LRCH1: variants seen among roughly 807,000 people sequenced by gnomAD.
The protein encoded by LRCH1 is leucine-rich repeat and calponin homology domain-containing protein 1.
LRCH1 carries 23 observed loss-of-function variants against 94.9 expected under a neutral mutation model. The observed-to-expected ratio is 0.24, with a 90% CI of 0.17 to 0.34. LRCH1 has a LOEUF of 0.34. Ranked by LOEUF, LRCH1 falls within the 10% of genes least tolerant of loss-of-function variation. The pLI, the probability that LRCH1 is intolerant of heterozygous loss-of-function variation, is 1.00. For synonymous variants in LRCH1, 364 were observed against 354.9 expected (o/e 1.03, Z -0.29); for missense variants, 790 against 945.9 (o/e 0.84, Z 2.16).
At chr13:46,667,795 T>C (rs1320174806) in intron 2 of LRCH1, among the ~76,000 whole-genome samples, 1 of 152,230 alleles carries the variant, frequency 6.6e-6, no homozygotes, top group African/African-American at 2.4e-5. Flanking sequence ...AAAGCACTTG[T>C]AGAAAGTTTG....
chr13:46,712,583 T>C lies in LRCH1; in HGVS notation c.1640T>C (p.Leu547Pro), dbSNP rs753153910. The C allele has an allele frequency of 1.2e-6, 2 of 1,613,736 alleles. No homozygotes were observed. Among genetic ancestry groups the C allele is most frequent in the Non-Finnish European group, 1.7e-6 (2 of 1,179,756 alleles). The change falls in exon 15 of 20, where the codon CTG becomes CCG. Residue 547 changes from leucine to proline, a missense_variant. By Grantham distance (98) the Leu-to-Pro change is moderately conservative. Around this residue, in one of 3 missense-constraint regions of LRCH1, gnomAD observed 460 missense variants for 508.9 expected, o/e 0.90. Transcript: ENST00000389797. ...PTTNSTAPFG[L>P]KPRSDPALIL... The stretch of plus-strand genomic sequence containing the variant: ...ACAAACAGCACAGCTCCATTTGGCC[T>C]GAAGCCTCGATCAGGTAAATGAAAA...
rs1446082468 is a variant in LRCH1, at chr13:46,741,646, A to C, written c.2090A>C (p.Asp697Ala). 2 of 1,613,944 alleles carry C rather than the reference A, an allele frequency of 1.2e-6. No homozygotes were observed. The highest frequency in any genetic ancestry group is 2.7e-5 in the African/African-American group (2 of 74,904). ...TAATGGCTGCCCTCGGAATAGGCTG[A>C]CCTCTGCTCTCCGTGTGACATCCTG... ...ACRKLGVPEA[D>A]LCSPCDILQL... Residue 697 changes from aspartate (D) to alanine (A), a missense_variant, in exon 20 of 20, where the codon GAC becomes GCC. By Grantham distance (126) the Asp-to-Ala change is moderately radical (BLOSUM62 -2). Transcript: ENST00000389797.
At chr13:46,638,716 T>A (rs1468864644) in intron 1 of LRCH1, among the ~76,000 whole-genome samples, 1 of 152,226 alleles carries the variant, frequency 6.6e-6, no homozygotes, top group Non-Finnish European at 1.5e-5. Context: ...AGATCTTACA[T>A]GGCCTCATGC....
At chr13:46,674,142 TA>T (rs1011604361) in intron 3 of LRCH1, among the ~76,000 whole-genome samples, 9 of 152,042 alleles carry the variant, frequency 5.9e-5, no homozygotes, top group Admixed American at 3.3e-4. Flanking sequence ...AGCAATCCCT[TA>T]AAAAAATAAA....
intron 5 of LRCH1, among the ~76,000 whole-genome samples, chr13:46,687,535 G>A (rs567186567): frequency 6.6e-6 from 1 of 152,000 alleles, no homozygotes; most frequent in Non-Finnish European, 1.5e-5. Flanking sequence ...TTTGTAACTG[G>A]AATTTCACCA....
At chr13:46,623,619 C>T (rs9534442) in intron 1 of LRCH1, among the ~76,000 whole-genome samples, 73,702 of 150,540 alleles carry the variant, frequency 0.49, 18,489 homozygotes, top group Middle Eastern at 0.59. Flanking sequence ...TTGTGCCAAT[C>T]TGATCATTTG....
At chr13:46,689,279 G>C (rs571973008) in intron 7 of LRCH1, 83 bp downstream of exon 7, 234 of 983,578 alleles carry the variant, frequency 2.4e-4, no homozygotes, top group Non-Finnish European at 1.7e-4. Context: ...CTGTTAAAGG[G>C]CATCGATTCA....
chr13:46,691,279 C>T (rs923231996), intron 7 of LRCH1, among the ~76,000 whole-genome samples: 86 of 152,302 alleles, frequency 5.6e-4, no homozygotes, highest in African/African-American at 2.0e-3. Context: ...TCTGAATAAA[C>T]GTCATCAGCT....
chr13:46,671,354 C>G (rs1288638006), intron 3 of LRCH1, among the ~76,000 whole-genome samples: 1 of 152,202 alleles, frequency 6.6e-6, no homozygotes, highest in Non-Finnish European at 1.5e-5. Context: ...GTGCCAGCTC[C>G]CCCCACACCC....
At chr13:46,699,082 G>A (rs1036383800) in intron 9 of LRCH1, among the ~76,000 whole-genome samples, 3 of 152,308 alleles carry the variant, frequency 2.0e-5, no homozygotes, top group South Asian at 4.1e-4. Flanking sequence ...CTTATTGCAC[G>A]TAGCATAATG....
At position 46,687,968 on chromosome 13, in the gene LRCH1, C is replaced by A. The variant is rs1184645642; in HGVS notation, c.939C>A (p.His313Gln). 6.2e-7 allele frequency: 1 copy of A among 1,611,490 alleles called. No homozygotes were observed. Residue 313 changes from histidine to glutamine, a missense_variant, in exon 6 of 20, where the codon CAC becomes CAA. Around this residue, in one of 3 missense-constraint regions of LRCH1, gnomAD observed 194 missense variants for 293.5 expected, o/e 0.66. Coordinates refer to ENST00000389797, the MANE Select transcript of LRCH1 (RefSeq NM_001164211.2). ...HTMERPHLHQHVEDGKKDSDS... is the reference protein window; with the variant it reads ...HTMERPHLHQQVEDGKKDSDS... The stretch of plus-strand genomic sequence containing the variant: ...TGGAGAGGCCACATTTACACCAGCA[C>A]GTGGAAGATGGGTGAGTCATGCCCT...
At chr13:46,732,823 C>G (rs576707511) in intron 18 of LRCH1, among the ~76,000 whole-genome samples, 2 of 152,246 alleles carry the variant, frequency 1.3e-5, no homozygotes, top group East Asian at 3.9e-4. Flanking sequence ...CTGAGACATG[C>G]CAGGGGTTGG....
chr13:46,672,526 G>A (rs1325333469), intron 3 of LRCH1, among the ~76,000 whole-genome samples: 3 of 152,144 alleles, frequency 2.0e-5, no homozygotes, highest in Non-Finnish European at 4.4e-5. Context: ...GGTGGCACAT[G>A]TGCTGAGCCT....
intron 1 of LRCH1, among the ~76,000 whole-genome samples, chr13:46,567,006 T>C (rs1267620258): frequency 6.6e-6 from 1 of 152,238 alleles, no homozygotes; most frequent in African/African-American, 2.4e-5. Flanking sequence ...TTAAAAAATA[T>C]AGACACACAT....
At chr13:46,716,667 C>A (rs984534883) in intron 16 of LRCH1, among the ~76,000 whole-genome samples, 1 of 152,044 alleles carries the variant, frequency 6.6e-6, no homozygotes, top group African/African-American at 2.4e-5. Flanking sequence ...TAAAATTCAA[C>A]CAAAAATGCT....
chr13:46,674,213 G>A (rs2051641122), intron 3 of LRCH1, among the ~76,000 whole-genome samples: 1 of 152,196 alleles, frequency 6.6e-6, no homozygotes, highest in Admixed American at 6.5e-5. Context: ...TCTAATTTGT[G>A]AAAGGAATTG....
intron 2 of LRCH1, among the ~76,000 whole-genome samples, chr13:46,665,502 TAGAC>T (rs1475313964): frequency 2.0e-5 from 3 of 152,196 alleles, no homozygotes; most frequent in African/African-American, 7.2e-5. Context: ...AATGATGAAA[TAGAC>T]AAATGAATCC....
intron 1 of LRCH1, among the ~76,000 whole-genome samples, chr13:46,605,056 G>A (rs1352841923): frequency 1.3e-5 from 2 of 152,196 alleles, no homozygotes; most frequent in Non-Finnish European, 2.9e-5. Flanking sequence ...TAATCCCTTT[G>A]TGTGGAGAGG....
intron 1 of LRCH1, among the ~76,000 whole-genome samples, chr13:46,564,500 G>A (rs1378163331): frequency 6.6e-6 from 1 of 152,148 alleles, no homozygotes; most frequent in African/African-American, 2.4e-5. Flanking sequence ...TCCGGCCAGG[G>A]GTCGGAGGTT....
Sources: allele counts gnomAD v4.1 joint callset (sites outside exome capture counted in the v4.1 genomes callset), GRCh38; gene constraint gnomAD v4.1.1; regional missense constraint gnomAD v4.1.1; transcripts MANE v1.5; gene names NCBI Gene and HGNC (gene_info 2026-07-23, HGNC 2026-07-21).